The following ATP13A4 variants were observed in gnomAD, a reference collection of about 807,000 sequenced individuals.
ATP13A4 encodes the protein ATPase 13A4, also known as probable cation-transporting ATPase 13A4.
In ATP13A4, 114 loss-of-function variants were observed where a neutral mutation model predicts 142.5. The ratio of observed to expected loss-of-function variants is 0.80; its 90% CI spans 0.69 to 0.93. The LOEUF is 0.93. ATP13A4 is among the 40% of genes least tolerant of loss of function. The pLI is 0.00. For missense variants in ATP13A4, 1,392 were observed against 1,454.0 expected (o/e 0.96, Z 0.69); for synonymous variants, 488 against 514.8 (o/e 0.95, Z 0.70).
intron 20 of ATP13A4, among the ~76,000 whole-genome samples, chr3:193,441,017 C>CTATATA (rs71637107): frequency 4.0e-5 from 6 of 150,212 alleles, no homozygotes; most frequent in African/African-American, 7.3e-5. Context: ...CTCTCTCTCT[C>CTATATA]TATATATATA....
chr3:193,407,285 A>T, intron 29 of ATP13A4, 28 bp downstream of exon 29: 1 of 1,578,830 alleles, frequency 6.3e-7, no homozygotes. Context: ...CACACACAAG[A>T]TCAGCAGCCC....
At chr3:193,431,683 G>A (rs530911735) in intron 25 of ATP13A4, among the ~76,000 whole-genome samples, 1 of 145,730 alleles carries the variant, frequency 6.9e-6, no homozygotes, top group African/African-American at 2.5e-5. Flanking sequence ...TGTATATGTG[G>A]GTATATATAC....
At position 193,411,702 on chromosome 3, in the gene ATP13A4, G is replaced by A. The variant is rs1439452283; in HGVS notation, c.3208+476C>T. 2.0e-5 allele frequency among the ~76,000 whole-genome samples: 3 copies of A among 152,228 alleles called. No individual in the cohort carries two copies. The South Asian group carries it at 6.2e-4, about 32-fold the overall frequency. Reference sequence around the variant, plus strand: ...CAGAATGTAAGGAAGTAGGAGGGAGGTACTCTGGCCGAGAGCCTCCATAAC... The same window carrying A: ...CAGAATGTAAGGAAGTAGGAGGGAGATACTCTGGCCGAGAGCCTCCATAAC... On this transcript the variant is annotated intron_variant, in intron 27 of 29. Transcript: ENST00000342695.
intron 1 of ATP13A4, among the ~76,000 whole-genome samples, chr3:193,533,474 T>C (rs778999954): frequency 5.3e-5 from 8 of 152,064 alleles, no homozygotes; most frequent in Non-Finnish European, 1.2e-4. Context: ...ATGAATGACA[T>C]AGTGGAAAGT....
At position 193,399,845 on chromosome 3, in the gene ATP13A4, CAA is replaced by C. The variant is rs71177402; in HGVS notation, c.*2805_*2806del. Reference sequence around the variant, plus strand: ...TGGGCAACAGAGTGAGACTCCATCTCAAAAAAAAAAAAAAAAAAAAAAGGTTC... The same window carrying C: ...TGGGCAACAGAGTGAGACTCCATCTCAAAAAAAAAAAAAAAAAAAAGGTTC... On this transcript the variant is annotated 3_prime_UTR_variant, in exon 30 of 30. Coordinates refer to ENST00000342695, the MANE Select transcript of ATP13A4 (RefSeq NM_032279.4). Among the ~76,000 whole-genome samples the C allele has an allele frequency of 6.6e-3, 483 of 72,646 alleles. 2 individuals are homozygous for C. The highest frequency in any genetic ancestry group is 0.026 in the African/African-American group (453 of 17,306). The allele number at this position is 72,646 out of a possible 152,430, so 47.7% of individuals were successfully genotyped here. A position where few individuals can be genotyped will look rare whatever the true frequency, so the allele number is the denominator to read the frequency against.
chr3:193,579,311 T>C, intron 2 of ATP13A4: 1 of 196,596 alleles, frequency 5.1e-6, no homozygotes, highest in Non-Finnish European at 1.0e-5. Context: ...GGTTCTTTCT[T>C]GATGCCACCA....
chr3:193,411,169 A>T (rs1458766074), intron 27 of ATP13A4, 99 bp from the exon 28 acceptor site: 1 of 846,118 alleles, frequency 1.2e-6, no homozygotes, highest in African/African-American at 1.7e-5. Flanking sequence ...GATTTAATTT[A>T]CTTGATTTCT....
chr3:193,459,470 T>G (rs1274519679), intron 13 of ATP13A4, among the ~76,000 whole-genome samples: 6 of 152,224 alleles, frequency 3.9e-5, no homozygotes, highest in African/African-American at 1.4e-4. Context: ...TCTATCACTC[T>G]GTCACCCAGG....
At chr3:193,526,943 C>CA (rs893954143) in intron 1 of ATP13A4, among the ~76,000 whole-genome samples, 18 of 151,570 alleles carry the variant, frequency 1.2e-4, no homozygotes, top group East Asian at 1.2e-3. Flanking sequence ...TGTGGCACTT[C>CA]AAAAAAAATG....
At chr3:193,581,013 T>A (rs1340746450) in intron 2 of ATP13A4, among the ~76,000 whole-genome samples, 1 of 152,210 alleles carries the variant, frequency 6.6e-6, no homozygotes, top group Non-Finnish European at 1.5e-5. Flanking sequence ...TTCATTACTA[T>A]CAATCCTATC....
intron 7 of ATP13A4, among the ~76,000 whole-genome samples, chr3:193,488,011 C>G (rs1357249562): frequency 6.6e-6 from 1 of 152,162 alleles, no homozygotes; most frequent in African/African-American, 2.4e-5. Context: ...CGCCTGTAAT[C>G]CCAGCACTTT....
At chr3:193,451,881 G>C (rs1170394554) in intron 17 of ATP13A4, among the ~76,000 whole-genome samples, 1 of 152,192 alleles carries the variant, frequency 6.6e-6, no homozygotes, top group Admixed American at 6.5e-5. Context: ...TTAGCTGTGT[G>C]TATGCATGGT....
intron 3 of ATP13A4, among the ~76,000 whole-genome samples, chr3:193,500,422 C>T (rs1460024450): frequency 6.6e-6 from 1 of 152,262 alleles, no homozygotes. Flanking sequence ...TTCCTTTAAA[C>T]CAGCGATCTC....
chr3:193,482,973 CAA>C (rs1402590478), intron 8 of ATP13A4, among the ~76,000 whole-genome samples: 2 of 152,016 alleles, frequency 1.3e-5, no homozygotes, highest in African/African-American at 4.8e-5. Context: ...TTGGAATAGC[CAA>C]AGACTGGAAC....
At chr3:193,505,514 A>G (rs1329904520) in intron 2 of ATP13A4, among the ~76,000 whole-genome samples, 1 of 152,166 alleles carries the variant, frequency 6.6e-6, no homozygotes, top group Non-Finnish European at 1.5e-5. Flanking sequence ...CTCATTTCCT[A>G]ACATCCCCAT....
chr3:193,561,237 C>T (rs1034258730), intron 2 of ATP13A4, among the ~76,000 whole-genome samples: 29 of 152,216 alleles, frequency 1.9e-4, no homozygotes, highest in Non-Finnish European at 3.1e-4. Flanking sequence ...CAGAGAGCAA[C>T]GCTGGGCTGG....
At chr3:193,524,786 T>C (rs1034000743) in intron 1 of ATP13A4, among the ~76,000 whole-genome samples, 14 of 152,196 alleles carry the variant, frequency 9.2e-5, no homozygotes, top group Non-Finnish European at 2.1e-4. Flanking sequence ...TATTCAAATA[T>C]AAGTTGTTAT....
At chr3:193,424,105 T>C (rs1715531388) in intron 25 of ATP13A4, among the ~76,000 whole-genome samples, 1 of 149,170 alleles carries the variant, frequency 6.7e-6, no homozygotes, top group African/African-American at 2.5e-5. Context: ...ATAAGATGCC[T>C]AGAAATAAAT....
intron 2 of ATP13A4, among the ~76,000 whole-genome samples, chr3:193,560,092 T>C (rs916139658): frequency 6.6e-6 from 1 of 152,212 alleles, no homozygotes; most frequent in African/African-American, 2.4e-5. Flanking sequence ...TCATTGTTTC[T>C]TCGGTGAGAA....
Sources: gnomAD v4.1 joint callset for allele counts (sites outside exome capture counted in the v4.1 genomes callset) on GRCh38, gnomAD v4.1.1 for gene constraint, MANE v1.5 for transcripts, NCBI Gene and HGNC (gene_info 2026-07-23, HGNC 2026-07-21) for gene names.